Variants in SYT1 observed in about 807,000 individuals in gnomAD.
The protein encoded by SYT1 is synaptotagmin-1.
SYT1 carries 8 observed loss-of-function variants against 44.8 expected under a neutral mutation model. The ratio of observed to expected loss-of-function variants is 0.18; its 90% CI spans 0.10 to 0.32. The LOEUF is 0.32. Ranked by LOEUF, SYT1 falls within the 10% of genes least tolerant of loss-of-function variation. SYT1 has a pLI of 1.00. For synonymous variants in SYT1, 154 were observed against 188.8 expected (o/e 0.82, Z 1.51); for missense variants, 286 against 509.3 (o/e 0.56, Z 4.22).
At chr12:79,049,462 C>CA (rs35340272) in intron 3 of SYT1, among the ~76,000 whole-genome samples, 28,998 of 151,186 alleles carry the variant, frequency 0.19, 3,042 homozygotes, top group East Asian at 0.31. Context: ...AAATTACATG[C>CA]AAAAAAAGAC....
intron 2 of SYT1, among the ~76,000 whole-genome samples, chr12:78,996,102 T>C (rs1443770640): frequency 1.3e-5 from 2 of 152,202 alleles, no homozygotes; most frequent in Non-Finnish European, 2.9e-5. Flanking sequence ...GGTGTAATTA[T>C]AGGTATAATT....
chr12:79,430,070 C>T (rs919824704), intron 9 of SYT1, among the ~76,000 whole-genome samples: 16 of 152,102 alleles, frequency 1.1e-4, no homozygotes, highest in Admixed American at 9.2e-4. Context: ...CTAAGCATAC[C>T]ACTATCCAAA....
chr12:79,391,189 TG>T (rs943812867), intron 9 of SYT1, among the ~76,000 whole-genome samples: 2 of 152,160 alleles, frequency 1.3e-5, no homozygotes, highest in African/African-American at 4.8e-5. Context: ...TTAGAAGTTC[TG>T]GGGGGCATTT....
chr12:78,881,105 T>C (rs908317373), intron 1 of SYT1, among the ~76,000 whole-genome samples: 5 of 151,596 alleles, frequency 3.3e-5, no homozygotes, highest in Non-Finnish European at 4.4e-5. Flanking sequence ...CACATGCAGC[T>C]TCCTCAAAAT....
intron 4 of SYT1, 75 bp downstream of exon 4, chr12:79,217,760 A>G (rs1874904985): frequency 1.6e-6 from 2 of 1,236,370 alleles, no homozygotes; most frequent in Non-Finnish European, 2.2e-6. Context: ...AGAAAGTAGA[A>G]CTCCGTTTGA....
intron 3 of SYT1, among the ~76,000 whole-genome samples, chr12:79,192,877 C>G (rs4842440): frequency 2.0e-5 from 3 of 151,934 alleles, no homozygotes; most frequent in African/African-American, 4.8e-5. Flanking sequence ...TCCTTCTTTT[C>G]CAATAAGTTG....
chr12:79,113,815 AC>A (rs1879140916), intron 3 of SYT1, among the ~76,000 whole-genome samples: 1 of 152,130 alleles, frequency 6.6e-6, no homozygotes, highest in Admixed American at 6.6e-5. Flanking sequence ...ACCTCACCCA[AC>A]ACCTCAACCC....
intron 3 of SYT1, among the ~76,000 whole-genome samples, chr12:79,062,040 A>G (rs1235807766): frequency 9.2e-5 from 14 of 152,162 alleles, no homozygotes; most frequent in Admixed American, 7.9e-4. Flanking sequence ...CTTGCATTAT[A>G]GGCATGATTA....
At chr12:79,089,590 A>G (rs950689442) in intron 3 of SYT1, among the ~76,000 whole-genome samples, 1 of 151,812 alleles carries the variant, frequency 6.6e-6, no homozygotes, top group Non-Finnish European at 1.5e-5. Context: ...AATTCAAACT[A>G]TTCCCTTATG....
At chr12:79,324,012 G>A (rs1259089264) in intron 8 of SYT1, among the ~76,000 whole-genome samples, 4 of 145,036 alleles carry the variant, frequency 2.8e-5, no homozygotes, top group Admixed American at 1.4e-4. Flanking sequence ...GTGCAGTGGC[G>A]CAATCTCAGC....
intron 1 of SYT1, among the ~76,000 whole-genome samples, chr12:78,952,640 A>G (rs554852727): frequency 1.3e-5 from 2 of 152,256 alleles, no homozygotes; most frequent in South Asian, 4.1e-4. Flanking sequence ...GTCATGTTTT[A>G]GGTCCACAGA....
At chr12:79,428,085 T>C (rs1037855534) in intron 9 of SYT1, among the ~76,000 whole-genome samples, 4 of 152,186 alleles carry the variant, frequency 2.6e-5, no homozygotes, top group African/African-American at 9.7e-5. Flanking sequence ...TAGTCTTAAG[T>C]ACCTCATCTG....
intron 9 of SYT1, among the ~76,000 whole-genome samples, chr12:79,388,815 A>G (rs1026683593): frequency 1.3e-5 from 2 of 152,192 alleles, no homozygotes; most frequent in Non-Finnish European, 2.9e-5. Context: ...TTTAAACCCC[A>G]ACTTCTAGGG....
At chr12:79,365,812 A>C (rs1435822419) in intron 9 of SYT1, among the ~76,000 whole-genome samples, 2 of 132,898 alleles carry the variant, frequency 1.5e-5, no homozygotes, top group East Asian at 2.3e-4. Flanking sequence ...AAGACAGCCT[A>C]GACTGATTGC....
At chr12:79,009,567 A>C (rs1244280330) in intron 2 of SYT1, among the ~76,000 whole-genome samples, 1 of 152,192 alleles carries the variant, frequency 6.6e-6, no homozygotes, top group Non-Finnish European at 1.5e-5. Flanking sequence ...AATCAATGGA[A>C]ATACCCTATG....
chr12:79,086,208 G>A (rs945242244), intron 3 of SYT1, among the ~76,000 whole-genome samples: 4 of 152,026 alleles, frequency 2.6e-5, no homozygotes, highest in African/African-American at 9.7e-5. Flanking sequence ...TTATATAAAT[G>A]TGATCAAATA....
intron 4 of SYT1, among the ~76,000 whole-genome samples, chr12:79,253,467 C>G (rs896309269): frequency 6.9e-6 from 1 of 145,516 alleles, no homozygotes; most frequent in African/African-American, 2.6e-5. Flanking sequence ...ACTGTTCCAC[C>G]AAAAGCCATT....
chr12:79,022,665 ATAAAT>A (rs1324205567), intron 2 of SYT1, among the ~76,000 whole-genome samples: 4 of 151,498 alleles, frequency 2.6e-5, no homozygotes, highest in African/African-American at 9.7e-5. Context: ...TTATTTTAAA[ATAAAT>A]TAATTATATT....
chr12:79,043,289 G>A (rs1291366182), intron 2 of SYT1, among the ~76,000 whole-genome samples: 1 of 150,854 alleles, frequency 6.6e-6, no homozygotes, highest in East Asian at 2.0e-4. Context: ...CTCAGGACTT[G>A]CTTTATGAAT....
Sources: allele counts gnomAD v4.1 joint callset (sites outside exome capture counted in the v4.1 genomes callset), GRCh38; gene constraint gnomAD v4.1.1; transcripts MANE v1.5; gene names NCBI Gene and HGNC (gene_info 2026-07-23, HGNC 2026-07-21).